Variants in TJP3 observed in about 807,000 individuals in gnomAD.
TJP3 encodes tight junction protein ZO-3.
Under a neutral mutation model 104.2 loss-of-function variants are expected in TJP3, and 85 were observed. That is an observed-to-expected ratio of 0.82 (90% CI 0.68 to 0.98). The LOEUF (loss-of-function observed/expected upper bound fraction) is 0.98, where lower values mean the gene tolerates loss of function less well. Ranked by LOEUF, TJP3 falls within the 50% of genes least tolerant of loss-of-function variation. The pLI is 0.00. For missense variants in TJP3, 1,367 were observed against 1,322.8 expected, an observed-to-expected ratio of 1.03 and a Z score of -0.52; for synonymous variants, 550 against 550.6, an observed-to-expected ratio of 1.00 and a Z score of 0.02.
intron 11 of TJP3, 87 bp from the exon 12 acceptor site, chr19:3,738,468 G>A: frequency 8.4e-7 from 1 of 1,196,754 alleles, no homozygotes; most frequent in Admixed American, 1.9e-5. Flanking sequence ...AGCTGGGGCT[G>A]AGTTTTGCCC....
In TJP3 at chr19:3,737,995, G is replaced by GCTGTGT. The variant is rs1472126983; in HGVS notation, c.1285-556_1285-555insGTCTGT. Among the ~76,000 whole-genome samples, 63 of 150,748 alleles carry GCTGTGT rather than the reference G, an allele frequency of 4.2e-4. 1 individual carries two copies. The highest frequency in any genetic ancestry group is 1.4e-3 in the African/African-American group (56 of 40,636). On this transcript the variant is annotated intron_variant, in intron 11 of 20. Transcript: ENST00000541714. ...CATGTCATGACCCGGAGAGCAGGTG[G>GCTGTGT]CTGTATATTGCTGTCCATGTCATGA...
At chr19:3,714,723 C>T (rs1272229055) in intron 1 of TJP3, among the ~76,000 whole-genome samples, 2 of 152,026 alleles carry the variant, frequency 1.3e-5, no homozygotes, top group Admixed American at 6.5e-5. Context: ...TGGCCCTGAT[C>T]CACTGGGGGA....
chr19:3,746,776 C>T lies in TJP3; in HGVS notation c.2222C>T (p.Ala741Val). The part of the protein sequence containing the change: ...LRKHSSHLFT[A>V]TIPLNGTSDT... ...ACACACTGACGTCCCCTCCCTGCAG[C>T]CACCATCCCTCTGAATGGCACGAGT... Residue 741 changes from alanine to valine, a missense_variant and splice_region_variant, in exon 18 of 21, where the codon GCC becomes GTC. Coordinates refer to ENST00000541714, the MANE Select transcript of TJP3 (RefSeq NM_001267560.2). The surrounding 1 kb of genome is among the most constrained non-coding windows in gnomAD (Gnocchi z 4.1). 1 of 1,608,090 alleles carries T rather than the reference C, an allele frequency of 6.2e-7. No homozygotes were observed. Among genetic ancestry groups the T allele is most frequent in the Non-Finnish European group, 8.5e-7 (1 of 1,177,222 alleles).
chr19:3,728,797 C>T (rs914186140), intron 3 of TJP3, 84 bp downstream of exon 3: 1 of 1,434,918 alleles, frequency 7.0e-7, no homozygotes, highest in Non-Finnish European at 9.6e-7. Flanking sequence ...TCACACCCGT[C>T]ATCCCAGCAC....
At chr19:3,740,825 T>C in intron 14 of TJP3, 62 bp downstream of exon 14, 1 of 1,412,380 alleles carries the variant, frequency 7.1e-7, no homozygotes, top group Non-Finnish European at 9.3e-7. Context: ...GTGCACCTGT[T>C]CACTAACATT....
In TJP3 at chr19:3,721,816, C is replaced by G. The variant is rs115245324; in HGVS notation, c.-9-6608C>G. The G allele has an allele frequency of 1.4e-3, 1,281 of 884,210 alleles. 19 individuals carry two copies. The African/African-American group carries it at 0.02, about 14-fold the overall frequency. 54.8% of individuals were successfully genotyped at this position (884,210 alleles called of 1,614,324 possible). A position where few individuals can be genotyped will look rare whatever the true frequency, so the allele number is the denominator to read the frequency against. On this transcript the variant is annotated intron_variant, in intron 1 of 20. Coordinates refer to ENST00000541714, the MANE Select transcript of TJP3 (RefSeq NM_001267560.2). ...CTGTGACTCTCCTCAGCCCCCTCCC[C>G]CAGCCCGGGGTGGGGGCCGATTGAC... is the stretch of plus-strand genomic sequence containing the variant.
At chr19:3,710,361 C>G (rs138497308) in intron 1 of TJP3, among the ~76,000 whole-genome samples, 2 of 152,180 alleles carry the variant, frequency 1.3e-5, no homozygotes, top group East Asian at 3.9e-4. Flanking sequence ...TACCCCGGGC[C>G]GCACAGCCAA....
At chr19:3,721,049 C>T (rs1461865119) in intron 1 of TJP3, among the ~76,000 whole-genome samples, 1 of 151,780 alleles carries the variant, frequency 6.6e-6, no homozygotes, top group Non-Finnish European at 1.5e-5. Flanking sequence ...CTGAAGCATG[C>T]GCCACCACGC....
intron 15 of TJP3, among the ~76,000 whole-genome samples, chr19:3,745,154 T>TC (rs2036870219): frequency 1.4e-5 from 1 of 73,436 alleles, no homozygotes; most frequent in East Asian, 4.1e-4. Context: ...TTTTTTTTTT[T>TC]TTTTTTTTTG....
rs1195030059 is a variant in TJP3 at position 3,738,588 on chromosome 19, G to A, written c.1318G>A (p.Glu440Lys). The A allele has an allele frequency of 6.2e-7, 1 of 1,613,836 alleles. No individual in the cohort carries two copies. The highest frequency in any genetic ancestry group is 1.3e-5 in the African/African-American group (1 of 74,950). Residue 440 changes from glutamate (E) to lysine (K), a missense_variant, in exon 12 of 21, where the codon GAG becomes AAG. By Grantham distance (56) the Glu-to-Lys change is moderately conservative (BLOSUM62 1). Transcript: ENST00000541714. Reference sequence around the variant, plus strand: ...CGTGCCATTCCAGAACCTGACACGGGAGGAGGCAGTGCAGTTCCTGCTGGG... The same window carrying A: ...CGTGCCATTCCAGAACCTGACACGGAAGGAGGCAGTGCAGTTCCTGCTGGG... Reference protein sequence around the residue: ...NDVPFQNLTREEAVQFLLGLP... With the variant: ...NDVPFQNLTRKEAVQFLLGLP...
At chr19:3,722,799 C>T (rs2145673027) in intron 1 of TJP3, among the ~76,000 whole-genome samples, 1 of 131,768 alleles carries the variant, frequency 7.6e-6, no homozygotes, top group East Asian at 2.3e-4. Context: ...CCTCCCCAAT[C>T]GGTGTATTTG....
chr19:3,750,253 A>C (rs1344946255), intron 20 of TJP3, 69 bp downstream of exon 20: 1 of 1,600,704 alleles, frequency 6.2e-7, no homozygotes, highest in Non-Finnish European at 8.6e-7. Context: ...GCGGACTCAG[A>C]TCTAGATCCA....
chr19:3,741,686 G>GGCCTGGGTGCGGTGGCTCAC (rs1485253816), intron 14 of TJP3, among the ~76,000 whole-genome samples: 1 of 150,576 alleles, frequency 6.6e-6, no homozygotes, highest in Non-Finnish European at 1.5e-5. Context: ...AATACTTTTG[G>GGCCTGGGTGCGGTGGCTCAC]GCCTGGGTGC....
intron 1 of TJP3, among the ~76,000 whole-genome samples, chr19:3,727,035 C>G (rs561720360): frequency 6.6e-6 from 1 of 151,658 alleles, no homozygotes; most frequent in Non-Finnish European, 1.5e-5. Context: ...TGCATTGAAC[C>G]GTGATCACAC....
chr19:3,719,732 CAAAAAAAAAAAA>C (rs34047272), intron 1 of TJP3, among the ~76,000 whole-genome samples: 5 of 81,738 alleles, frequency 6.1e-5, no homozygotes, highest in African/African-American at 2.2e-4. Flanking sequence ...GACTCCGTCT[CAAAAAAAAAAAA>C]AAAAAAAAAA....
chr19:3,716,988 G>A (rs1384965980), intron 1 of TJP3, among the ~76,000 whole-genome samples: 22 of 128,872 alleles, frequency 1.7e-4, no homozygotes, highest in African/African-American at 4.4e-4. Context: ...TTTTTGAGAC[G>A]GAGTTTCGCT....
intron 15 of TJP3, among the ~76,000 whole-genome samples, chr19:3,744,864 G>A (rs2036865883): frequency 6.6e-6 from 1 of 152,022 alleles, no homozygotes; most frequent in African/African-American, 2.4e-5. Flanking sequence ...GGAGGCGGAG[G>A]GTGCAGTGAG....
At position 3,716,780 on chromosome 19, in the gene TJP3, C is replaced by CATATAT. The variant is rs1255662392; in HGVS notation, c.-10+8236_-10+8241dup. Among the ~76,000 whole-genome samples, 92 of 103,278 alleles carry CATATAT rather than the reference C, an allele frequency of 8.9e-4. 1 individual carries two copies. Among genetic ancestry groups the CATATAT allele is most frequent in the African/African-American group, 3.2e-3 (84 of 26,386 alleles). The allele number at this position is 103,278 out of a possible 152,430, so 67.8% of individuals were successfully genotyped here. On this transcript the variant is annotated intron_variant, in intron 1 of 20. Transcript: ENST00000541714. Reference sequence around the variant, plus strand: ...TGCCTGCTACCACACCCAGCTCATACATATATATATATATATATATATTTT... The same window carrying CATATAT: ...TGCCTGCTACCACACCCAGCTCATACATATATATATATATATATATATATATATTTT...
Position 3,728,218 on chromosome 19 carries a change from C to T in TJP3, c.-9-206C>T, listed in dbSNP as rs137921632. 7.6e-3 allele frequency: 2,623 copies of T among 345,572 alleles called. 17 individuals carry two copies. Among genetic ancestry groups the T allele is most frequent in the South Asian group, 0.022 (186 of 8,514 alleles). 21.4% of individuals were successfully genotyped at this position (345,572 alleles called of 1,614,324 possible). ...TCGTGCCACTGCACTCCAGCCTGGG[C>T]GACAGAGCCAGACTCTGTCTCAAAA... On this transcript the variant is annotated intron_variant, in intron 1 of 20. Transcript: ENST00000541714.
Sources: allele counts gnomAD v4.1 joint callset (sites outside exome capture counted in the v4.1 genomes callset), GRCh38; gene constraint gnomAD v4.1.1; non-coding constraint Gnocchi (gnomAD v3.1); transcripts MANE v1.5; gene names NCBI Gene and HGNC (gene_info 2026-07-23, HGNC 2026-07-21).